OPCML: variants seen among roughly 807,000 people sequenced by gnomAD.
The protein encoded by OPCML is opioid binding protein/cell adhesion molecule like, also known as opioid-binding protein/cell adhesion molecule.
A neutral mutation model predicts 37.8 loss-of-function variants in OPCML; 13 were observed. That is an observed-to-expected ratio of 0.34 (90% CI 0.22 to 0.55). The LOEUF (loss-of-function observed/expected upper bound fraction) is 0.55. OPCML is among the 20% of genes least tolerant of loss of function. The probability of loss-of-function intolerance (pLI) is 0.91; values close to 1 mark genes in which losing one functional copy is unlikely to be tolerated. For missense variants in OPCML, 341 were observed against 435.6 expected (o/e 0.78, Z 1.93); for synonymous variants, 176 against 168.8 (o/e 1.04, Z -0.33).
At chr11:133,160,953 G>A (rs1950133251) in intron 1 of OPCML, among the ~76,000 whole-genome samples, 1 of 152,228 alleles carries the variant, frequency 6.6e-6, no homozygotes. Context: ...ACGGTGTGAG[G>A]CCTGCCCTGG....
intron 1 of OPCML, among the ~76,000 whole-genome samples, chr11:133,188,028 C>G (rs1384954858): frequency 2.0e-5 from 3 of 152,182 alleles, no homozygotes; most frequent in South Asian, 2.1e-4. Context: ...GGTTTTGAAG[C>G]CTTCTGTCCA....
intron 4 of OPCML, among the ~76,000 whole-genome samples, chr11:132,483,270 C>G (rs1176818984): frequency 6.7e-6 from 1 of 150,372 alleles, no homozygotes; most frequent in South Asian, 2.1e-4. Context: ...TTCCTATACA[C>G]CAACAACAGA....
chr11:133,222,957 T>G (rs1187803782), intron 1 of OPCML, among the ~76,000 whole-genome samples: 1 of 152,106 alleles, frequency 6.6e-6, no homozygotes, highest in Non-Finnish European at 1.5e-5. Flanking sequence ...CCTTGTGTAC[T>G]TGGGACATTT....
chr11:133,005,363 A>T, intron 1 of OPCML: 1 of 985,430 alleles, frequency 1.0e-6, no homozygotes. Flanking sequence ...AGACACATAC[A>T]GCAAATGCCG....
intron 1 of OPCML, among the ~76,000 whole-genome samples, chr11:133,472,491 A>G (rs945914132): frequency 2.0e-5 from 3 of 151,916 alleles, no homozygotes; most frequent in African/African-American, 7.2e-5. Flanking sequence ...TCTTACTTCC[A>G]TAATGATGTG....
intron 1 of OPCML, among the ~76,000 whole-genome samples, chr11:133,100,544 T>C (rs1474926554): frequency 1.3e-5 from 2 of 152,200 alleles, no homozygotes; most frequent in African/African-American, 4.8e-5. Flanking sequence ...GTTGGAGGAC[T>C]GACACTACCT....
At chr11:133,358,249 C>A (rs1353917142) in intron 1 of OPCML, among the ~76,000 whole-genome samples, 1 of 152,162 alleles carries the variant, frequency 6.6e-6, no homozygotes, top group African/African-American at 2.4e-5. Context: ...CTTGTCATCA[C>A]TTGTATTGTT....
chr11:132,520,792 G>T (rs556316994), intron 4 of OPCML, among the ~76,000 whole-genome samples: 1 of 151,966 alleles, frequency 6.6e-6, no homozygotes, highest in Admixed American at 6.6e-5. Context: ...GGGCATTTGG[G>T]TTGGTTCCAA....
chr11:133,019,748 C>T (rs1259203006), intron 1 of OPCML, among the ~76,000 whole-genome samples: 1 of 152,080 alleles, frequency 6.6e-6, no homozygotes, highest in African/African-American at 2.4e-5. Context: ...TCCCTATGGG[C>T]ACAGAGTGAA....
At chr11:132,522,310 A>C (rs1428631900) in intron 4 of OPCML, among the ~76,000 whole-genome samples, 2 of 152,228 alleles carry the variant, frequency 1.3e-5, no homozygotes, top group Non-Finnish European at 2.9e-5. Context: ...GAAATGAATC[A>C]AAGACCTCTG....
chr11:132,790,716 G>A (rs1937848828), intron 2 of OPCML, among the ~76,000 whole-genome samples: 1 of 152,214 alleles, frequency 6.6e-6, no homozygotes, highest in African/African-American at 2.4e-5. Context: ...GCTAGGAAAG[G>A]TCTGTTTCCA....
intron 3 of OPCML, among the ~76,000 whole-genome samples, chr11:132,602,525 G>A (rs1293829964): frequency 6.6e-6 from 1 of 152,242 alleles, no homozygotes; most frequent in African/African-American, 2.4e-5. Context: ...CAAGAGTTTG[G>A]TTCTCTCACA....
intron 7 of OPCML, among the ~76,000 whole-genome samples, chr11:132,420,667 T>C (rs1389348401): frequency 4.6e-5 from 7 of 152,000 alleles, no homozygotes; most frequent in Non-Finnish European, 1.0e-4. Context: ...CAGACAATGA[T>C]GAGTCGGGGG....
chr11:132,489,636 A>G (rs1432309611), intron 4 of OPCML, among the ~76,000 whole-genome samples: 3 of 151,918 alleles, frequency 2.0e-5, no homozygotes, highest in African/African-American at 7.3e-5. Context: ...TTAGGATCCT[A>G]TGGGACCACC....
intron 1 of OPCML, among the ~76,000 whole-genome samples, chr11:133,398,167 T>C (rs1368716029): frequency 6.6e-6 from 1 of 152,218 alleles, no homozygotes; most frequent in Non-Finnish European, 1.5e-5. Flanking sequence ...TCATGAATTA[T>C]ATTGGCCACC....
intron 3 of OPCML, among the ~76,000 whole-genome samples, chr11:132,532,328 G>T (rs2096328017): frequency 6.6e-6 from 1 of 151,030 alleles, no homozygotes; most frequent in East Asian, 2.0e-4. Context: ...TTTAGGGTGT[G>T]GATCGCCAGC....
chr11:132,554,863 G>GTTTTTTTTTTTTTTTTTTTTTTT (rs5795789), intron 3 of OPCML, among the ~76,000 whole-genome samples: 34 of 64,030 alleles, frequency 5.3e-4, no homozygotes, highest in East Asian at 5.1e-3. Flanking sequence ...ATGGGGTAAA[G>GTTTTTTTTTTTTTTTTTTTTTTT]TTTTTTTTTT....
intron 2 of OPCML, among the ~76,000 whole-genome samples, chr11:132,755,735 A>G (rs544576977): frequency 6.6e-6 from 1 of 152,326 alleles, no homozygotes; most frequent in East Asian, 1.9e-4. Context: ...GTTTGTCATT[A>G]ATATGTCACC....
At chr11:133,402,844 C>T (rs1056286894) in intron 1 of OPCML, among the ~76,000 whole-genome samples, 2 of 152,160 alleles carry the variant, frequency 1.3e-5, no homozygotes, top group Non-Finnish European at 2.9e-5. Context: ...AGCCACTGGA[C>T]CCAAGTCGCC....
Sources: gnomAD v4.1 joint callset for allele counts (sites outside exome capture counted in the v4.1 genomes callset) on GRCh38, gnomAD v4.1.1 for gene constraint, MANE v1.5 for transcripts, NCBI Gene and HGNC (gene_info 2026-07-23, HGNC 2026-07-21) for gene names.